ZNF7: variants seen among roughly 807,000 people sequenced by gnomAD.
ZNF7 encodes zinc finger protein 7.
A neutral mutation model predicts 12.0 loss-of-function variants in ZNF7; 10 were observed. The observed-to-expected ratio is 0.83, with a 90% CI of 0.51 to 1.42. The LOEUF (loss-of-function observed/expected upper bound fraction) is 1.42. ZNF7 is among the 40% of genes most tolerant of loss of function. The probability of loss-of-function intolerance (pLI) is 0.00; values close to 1 mark genes in which losing one functional copy is unlikely to be tolerated. For missense variants in ZNF7, 854 were observed against 837.2 expected, an observed-to-expected ratio of 1.02 and a Z score of -0.25; for synonymous variants, 334 against 295.0, an observed-to-expected ratio of 1.13 and a Z score of -1.35.
At chr8:144,829,219 A>C in intron 2 of ZNF7, 129 bp downstream of exon 2, 2 of 1,564,520 alleles carry the variant, frequency 1.3e-6, no homozygotes, top group Non-Finnish European at 1.7e-6. Flanking sequence ...CTTGCCCCCA[A>C]CCCCAAGGTA....
downstream of ZNF7, chr8:144,846,320 G>C: frequency 1.3e-6 from 1 of 786,522 alleles, no homozygotes; most frequent in Non-Finnish European, 1.9e-6. Context: ...TCAGGGGCTG[G>C]CAAACCATTC....
downstream of ZNF7, chr8:144,846,280 G>A (rs1830507939): frequency 8.4e-7 from 1 of 1,197,426 alleles, no homozygotes; most frequent in Non-Finnish European, 1.2e-6. Flanking sequence ...TTCAGCACCT[G>A]GATTCTCTCT....
At position 144,843,541 on chromosome 8, in the gene ZNF7, T is replaced by C. The variant is rs1830277442; in HGVS notation, c.*373T>C. The C allele has an allele frequency of 2.8e-5, 4 of 143,298 alleles. No individual in the cohort carries two copies. The highest frequency in any genetic ancestry group is 5.7e-5 in the Non-Finnish European group (4 of 70,546). The allele number at this position is 143,298 out of a possible 1,614,324, so 8.9% of individuals were successfully genotyped here. A position where few individuals can be genotyped will look rare whatever the true frequency, so the allele number is the denominator to read the frequency against. ...AGGCGGAGCTTGCAGTGAGCTGAGA[T>C]CGCGCCACTGCACTCCAGCCTGGGT... On this transcript the variant is annotated 3_prime_UTR_variant, in exon 5 of 5. Transcript: ENST00000532777.
intron 3 of ZNF7, chr8:144,835,605 A>G (rs1238576092): frequency 6.6e-6 from 1 of 152,180 alleles, no homozygotes; most frequent in African/African-American, 2.4e-5. Flanking sequence ...GTCATCAGTC[A>G]TATTCATGTT....
At chr8:144,845,028 A>G (rs563360879), downstream of ZNF7, among the ~76,000 whole-genome samples, 26 of 152,124 alleles carry the variant, frequency 1.7e-4, no homozygotes, top group Non-Finnish European at 2.8e-4. Context: ...GAGGAGAAAC[A>G]GGGGCAGGGT....
chr8:144,842,304 C>G lies in ZNF7; in HGVS notation c.1197C>G (p.Ser399Arg). The change falls in exon 5 of 5, where the codon AGC becomes AGG. Residue 399 changes from serine to arginine, a missense_variant. Physicochemically the swap from Ser to Arg is moderately radical, Grantham distance 110. Coordinates refer to ENST00000532777, the MANE Select transcript of ZNF7 (RefSeq NM_003416.4). ...AQILKASDSP[S>R]LVAHQRIHAV... ...TTCTAAAAGCCTCAGACAGTCCAAGCCTTGTTGCACATCAGAGAATTCACG... is the reference window on the plus strand; with the variant it reads ...TTCTAAAAGCCTCAGACAGTCCAAGGCTTGTTGCACATCAGAGAATTCACG... 1 of 1,614,004 alleles carries G rather than the reference C, an allele frequency of 6.2e-7. No homozygotes were observed. Among genetic ancestry groups the G allele is most frequent in the Non-Finnish European group, 8.5e-7 (1 of 1,180,050 alleles).
downstream of ZNF7, among the ~76,000 whole-genome samples, chr8:144,844,234 C>CCTGT (rs1340909330): frequency 1.3e-5 from 2 of 152,130 alleles, no homozygotes; most frequent in African/African-American, 4.8e-5. Context: ...CCTTACTGGG[C>CCTGT]CTGTCAGAGA....
chr8:144,830,608 T>A (rs937999883), intron 3 of ZNF7, among the ~76,000 whole-genome samples: 1 of 152,250 alleles, frequency 6.6e-6, no homozygotes, highest in Non-Finnish European at 1.5e-5. Context: ...TGCTACTGAT[T>A]ACACGCATTT....
At position 144,842,056 on chromosome 8, in the gene ZNF7, C is replaced by T. The variant is rs776259525; in HGVS notation, c.949C>T (p.Gln317Ter). ...RCEECGKAFG[Q>*]SSSLIHHQRI... ...TGAGGAATGTGGAAAAGCTTTTGGT[C>T]AGAGCTCAAGCCTCATCCACCATCA... is the stretch of plus-strand genomic sequence containing the variant. The change falls in exon 5 of 5, where the codon CAG (glutamine) becomes TAG (stop). Residue 317 changes from glutamine (Q) to a stop codon, truncating the protein, a stop_gained. Coordinates refer to ENST00000532777, the MANE Select transcript of ZNF7 (RefSeq NM_003416.4). LOFTEE classifies it low-confidence loss of function (END_TRUNC). The T allele has an allele frequency of 1.2e-6, 2 of 1,614,040 alleles. No individual in the cohort carries two copies. The highest frequency in any genetic ancestry group is 8.5e-7 in the Non-Finnish European group (1 of 1,179,984).
intron 4 of ZNF7, among the ~76,000 whole-genome samples, chr8:144,839,743 T>C (rs1829609668): frequency 6.6e-6 from 1 of 152,148 alleles, no homozygotes; most frequent in South Asian, 2.1e-4. Flanking sequence ...AATGCCCAGA[T>C]ATGTTACTTG....
chr8:144,840,560 A>G (rs1829755890), intron 4 of ZNF7, among the ~76,000 whole-genome samples: 1 of 152,206 alleles, frequency 6.6e-6, no homozygotes, highest in East Asian at 1.9e-4. Flanking sequence ...ACAGACATCA[A>G]GGAGATGTCT....
chr8:144,838,337 A>G (rs1829332210), intron 4 of ZNF7: 1 of 568,622 alleles, frequency 1.8e-6, no homozygotes, highest in Non-Finnish European at 3.2e-6. Context: ...GAGGTGCTTC[A>G]AGTTAGGACT....
intron 3 of ZNF7, 72 bp from the exon 4 acceptor site, chr8:144,837,318 TG>T: frequency 7.6e-7 from 1 of 1,312,164 alleles, no homozygotes. Context: ...ATTTGGAAAC[TG>T]GGGAAGACTT....
intron 3 of ZNF7, chr8:144,836,116 C>G (rs1471831948): frequency 6.6e-6 from 1 of 152,170 alleles, no homozygotes; most frequent in African/African-American, 2.4e-5. Context: ...GAGGCTGAGG[C>G]AGGAGGATTG....
intron 4 of ZNF7, among the ~76,000 whole-genome samples, chr8:144,839,606 C>T (rs1274194157): frequency 6.6e-6 from 1 of 152,272 alleles, no homozygotes; most frequent in Admixed American, 6.5e-5. Flanking sequence ...TAGAATCCCA[C>T]AGTAGGTGAG....
intron 4 of ZNF7, among the ~76,000 whole-genome samples, chr8:144,839,828 G>T (rs1829628348): frequency 6.6e-6 from 1 of 152,248 alleles, no homozygotes; most frequent in South Asian, 2.1e-4. Context: ...CCAGGTCCCA[G>T]CTGTGCACCC....
rs755072783 is a variant in ZNF7, at chr8:144,842,763, C to G, written c.1656C>G (p.Pro552=). Residue 552 remains proline (P), a synonymous_variant, in exon 5 of 5, where the codon CCC becomes CCG. Coordinates refer to ENST00000532777, the MANE Select transcript of ZNF7 (RefSeq NM_003416.4). ...IHQRVHTGER[P]YKCNECGKAF... ...AAAGGGTTCACACTGGAGAGAGGCC[C>G]TATAAATGTAATGAATGTGGGAAAG... 1 of 1,614,152 alleles carries G rather than the reference C, an allele frequency of 6.2e-7. No homozygotes were observed.
rs138392379 is a variant in ZNF7 at position 144,837,427 on chromosome 8, G to T, written c.167G>T (p.Arg56Leu). 2.5e-6 allele frequency: 4 copies of T among 1,612,860 alleles called. No individual in the cohort carries two copies. The East Asian group carries it at 8.9e-5, about 36-fold the overall frequency. ...GTTTTCAAGCCTGAGCTGATCTCTC[G>T]GCTGGAGCAGGGAGAAGAGCCATGG... ...FLVFKPELIS[R>L]LEQGEEPWVL... is the part of the protein sequence containing the mutation. Residue 56 changes from arginine to leucine, a missense_variant, in exon 4 of 5, where the codon CGG becomes CTG. Arg to Leu is a moderately radical substitution (Grantham distance 102). Coordinates refer to ENST00000532777, the MANE Select transcript of ZNF7 (RefSeq NM_003416.4).
rs1461926367 is a variant in ZNF7 at position 144,843,326 on chromosome 8, A to C, written c.*158A>C. The C allele has an allele frequency of 2.1e-5, 18 of 876,972 alleles. No individual in the cohort carries two copies. Among genetic ancestry groups the C allele is most frequent in the Admixed American group, 3.2e-5 (1 of 31,134 alleles). 54.3% of individuals were successfully genotyped at this position (876,972 alleles called of 1,614,324 possible). A position where few individuals can be genotyped will look rare whatever the true frequency, so the allele number is the denominator to read the frequency against. On this transcript the variant is annotated 3_prime_UTR_variant, in exon 5 of 5. Transcript: ENST00000532777. ...AACTTCAGGCCGAGTGTGGTGGCTT[A>C]TGCCTGTCATCCCAGCACTTTGGGA...
Sources: gnomAD v4.1 joint callset for allele counts (sites outside exome capture counted in the v4.1 genomes callset) on GRCh38, gnomAD v4.1.1 for gene constraint, MANE v1.5 for transcripts, NCBI Gene and HGNC (gene_info 2026-07-23, HGNC 2026-07-21) for gene names.